Variants in SGCZ observed in about 807,000 individuals in gnomAD.
The protein encoded by SGCZ is sarcoglycan zeta.
A neutral mutation model predicts 41.3 loss-of-function variants in SGCZ; 40 were observed. The ratio of observed to expected loss-of-function variants is 0.97; its 90% CI spans 0.75 to 1.26. SGCZ has a LOEUF of 1.26. Ranked by LOEUF, SGCZ falls within the 50% of genes most tolerant of loss-of-function variation. SGCZ has a pLI of 0.00. For missense variants in SGCZ, 552 were observed against 369.8 expected, an observed-to-expected ratio of 1.49 and a Z score of -4.04; for synonymous variants, 206 against 137.5, an observed-to-expected ratio of 1.50 and a Z score of -3.49.
At chr8:15,056,400 C>T (rs1804703632) in intron 1 of SGCZ, among the ~76,000 whole-genome samples, 1 of 152,114 alleles carries the variant, frequency 6.6e-6, no homozygotes, top group Non-Finnish European at 1.5e-5. Context: ...TTTTCTGCAA[C>T]ATGGAAACAG....
intron 1 of SGCZ, among the ~76,000 whole-genome samples, chr8:14,611,396 T>C (rs1436229997): frequency 1.3e-5 from 2 of 152,184 alleles, no homozygotes; most frequent in Non-Finnish European, 2.9e-5. Flanking sequence ...ATGACACTTT[T>C]AGAGATTATG....
intron 1 of SGCZ, among the ~76,000 whole-genome samples, chr8:15,210,553 T>C (rs892572242): frequency 7.2e-5 from 11 of 152,238 alleles, no homozygotes; most frequent in Admixed American, 3.9e-4. Context: ...TCAGATCAAT[T>C]ACCTCCCAAC....
chr8:14,840,836 G>T (rs1270733201), intron 1 of SGCZ, among the ~76,000 whole-genome samples: 1 of 152,080 alleles, frequency 6.6e-6, no homozygotes, highest in Non-Finnish European at 1.5e-5. Context: ...CTCAAGAAGT[G>T]TCAGATTCAT....
rs146886935 is a variant in SGCZ at position 14,947,194 on chromosome 8, G to A, written c.39+290391C>T. On this transcript the variant is annotated intron_variant, in intron 1 of 7. Transcript: ENST00000382080. The stretch of plus-strand genomic sequence containing the variant: ...TGGGGAAGGACAAGCTGTTCCTGCC[G>A]TAAGCGAAGGAATGAGCACAGAGAC... Among the ~76,000 whole-genome samples the A allele has an allele frequency of 4.7e-3, 719 of 152,268 alleles. 11 individuals are homozygous for A. Among genetic ancestry groups the A allele is most frequent in the African/African-American group, 0.015 (638 of 41,550 alleles).
chr8:14,289,719 AC>A (rs1190832857), intron 3 of SGCZ, among the ~76,000 whole-genome samples: 1 of 151,996 alleles, frequency 6.6e-6, no homozygotes, highest in Non-Finnish European at 1.5e-5. Context: ...GGAAAAGACA[AC>A]CCCTTCAATA....
At chr8:14,621,974 T>C (rs1166187156) in intron 1 of SGCZ, among the ~76,000 whole-genome samples, 1 of 152,130 alleles carries the variant, frequency 6.6e-6, no homozygotes, top group Non-Finnish European at 1.5e-5. Context: ...CCGCCAAGTC[T>C]ATATATCTAT....
intron 1 of SGCZ, among the ~76,000 whole-genome samples, chr8:15,194,265 A>T (rs1052235497): frequency 2.6e-5 from 4 of 151,676 alleles, no homozygotes; most frequent in African/African-American, 9.7e-5. Context: ...TGGAGACTGA[A>T]GTCAGCCCTA....
intron 1 of SGCZ, among the ~76,000 whole-genome samples, chr8:14,636,789 C>G (rs573858661): frequency 2.6e-5 from 4 of 151,758 alleles, no homozygotes; most frequent in Non-Finnish European, 4.4e-5. Context: ...AAATGCTAAA[C>G]ATAAATTCCA....
chr8:14,168,576 G>C lies in SGCZ; in HGVS notation c.425-3874C>G, dbSNP rs1585196635. Among the ~76,000 whole-genome samples, 5 of 152,232 alleles carry C rather than the reference G, an allele frequency of 3.3e-5. No homozygotes were observed. In the South Asian group the frequency reaches 1.0e-3, roughly 32 times the overall value. ...CCGGCTGCCACGTAAGATGTGACTT[G>C]CTCCTCCTTGCCTGCAGCCATGACT... On this transcript the variant is annotated intron_variant, in intron 4 of 7. Transcript: ENST00000382080.
At chr8:15,134,561 C>A (rs901595688) in intron 1 of SGCZ, among the ~76,000 whole-genome samples, 2 of 151,966 alleles carry the variant, frequency 1.3e-5, no homozygotes, top group Admixed American at 6.6e-5. Context: ...TCACTTTAAG[C>A]GCAGAAATAA....
chr8:15,055,705 G>A lies in SGCZ; in HGVS notation c.39+181880C>T, dbSNP rs376180016. 1.3e-4 allele frequency among the ~76,000 whole-genome samples: 20 copies of A among 152,300 alleles called. No homozygotes were observed. In the South Asian group the frequency reaches 1.9e-3, roughly 14 times the overall value. ...GTCAACCAACGAGAATTACCAGGGA[G>A]ACCTTGAGAAGCAATGCTTGCGCAG... On this transcript the variant is annotated intron_variant, in intron 1 of 7. Transcript: ENST00000382080.
chr8:14,918,133 G>C (rs748989320), intron 1 of SGCZ, among the ~76,000 whole-genome samples: 1 of 152,134 alleles, frequency 6.6e-6, no homozygotes, highest in African/African-American at 2.4e-5. Context: ...TTTTAAGATG[G>C]AAAATGAGGT....
chr8:14,309,841 C>T (rs1272645728), intron 3 of SGCZ, among the ~76,000 whole-genome samples: 1 of 151,968 alleles, frequency 6.6e-6, no homozygotes, highest in Non-Finnish European at 1.5e-5. Flanking sequence ...TCTTGTACTT[C>T]TGTGTTCATT....
chr8:15,110,131 G>C lies in SGCZ; in HGVS notation c.39+127454C>G, dbSNP rs1806990385. Among the ~76,000 whole-genome samples, 5 of 152,166 alleles carry C rather than the reference G, an allele frequency of 3.3e-5. No individual in the cohort carries two copies. The South Asian group carries it at 1.0e-3, about 31-fold the overall frequency. ...AATTCATAAAGCCAATGGCACGTTA[G>C]TGAGAATATTAAATGGGGTTAAATT... On this transcript the variant is annotated intron_variant, in intron 1 of 7. Coordinates refer to ENST00000382080, the MANE Select transcript of SGCZ (RefSeq NM_139167.4).
At chr8:15,207,379 A>G (rs1413827815) in intron 1 of SGCZ, among the ~76,000 whole-genome samples, 1 of 152,232 alleles carries the variant, frequency 6.6e-6, no homozygotes, top group Non-Finnish European at 1.5e-5. Flanking sequence ...GCTAGACTGG[A>G]AACTAATGAA....
intron 1 of SGCZ, among the ~76,000 whole-genome samples, chr8:14,781,732 G>T (rs1219396601): frequency 6.6e-6 from 1 of 152,054 alleles, no homozygotes; most frequent in East Asian, 1.9e-4. Context: ...TTAAAAATTT[G>T]CTTAATAGAC....
At chr8:14,240,140 A>C (rs1037028699) in intron 3 of SGCZ, among the ~76,000 whole-genome samples, 1 of 151,620 alleles carries the variant, frequency 6.6e-6, no homozygotes, top group Non-Finnish European at 1.5e-5. Flanking sequence ...CAGCCTGGCC[A>C]ACATGGCCAA....
chr8:14,929,349 G>C (rs986519059), intron 1 of SGCZ, among the ~76,000 whole-genome samples: 1 of 152,126 alleles, frequency 6.6e-6, no homozygotes, highest in South Asian at 2.1e-4. Flanking sequence ...TATATAAAGT[G>C]AGAGGCATAT....
intron 1 of SGCZ, among the ~76,000 whole-genome samples, chr8:14,925,958 G>A (rs191457714): frequency 2.0e-3 from 306 of 152,268 alleles, no homozygotes; most frequent in African/African-American, 7.0e-3. Flanking sequence ...TTTTTACACT[G>A]TTGAATAGCA....
Sources: allele counts gnomAD v4.1 joint callset (sites outside exome capture counted in the v4.1 genomes callset), GRCh38; gene constraint gnomAD v4.1.1; transcripts MANE v1.5; gene names NCBI Gene and HGNC (gene_info 2026-07-23, HGNC 2026-07-21).